Variants in LRBA observed in about 807,000 individuals in gnomAD.
LRBA encodes lipopolysaccharide-responsive and beige-like anchor protein.
In LRBA, 176 loss-of-function variants were observed where a neutral mutation model predicts 330.0. The ratio of observed to expected loss-of-function variants is 0.53; its 90% CI spans 0.47 to 0.60. The LOEUF (loss-of-function observed/expected upper bound fraction) is 0.60, where lower values mean the gene tolerates loss of function less well. Ranked by LOEUF, LRBA falls within the 20% of genes least tolerant of loss-of-function variation. The probability of loss-of-function intolerance (pLI) is 0.00; values close to 1 mark genes in which losing one functional copy is unlikely to be tolerated. For missense variants in LRBA, 3,259 were observed against 3,444.8 expected, an observed-to-expected ratio of 0.95 and a Z score of 1.35; for synonymous variants, 1,230 against 1,193.0, an observed-to-expected ratio of 1.03 and a Z score of -0.64.
rs201290460 is a variant in LRBA at position 150,683,616 on chromosome 4, T to C, written c.5856A>G (p.Gln1952=). The C allele has an allele frequency of 1.6e-5, 26 of 1,613,758 alleles. No homozygotes were observed. The highest frequency in any genetic ancestry group is 3.3e-4 in the Middle Eastern group (2 of 6,062). ...GAATGTTGATAATTTTCTGGATTAG[T>C]TGAGTTGCTGTCACGTGGTCACGAT... ...AKYRDHVTAT[Q]LIQKIINILT... is the part of the protein sequence containing the mutation. Residue 1952 remains glutamine, a synonymous_variant, in exon 37 of 57, where the codon CAA becomes CAG. Coordinates refer to ENST00000651943, the MANE Select transcript of LRBA (RefSeq NM_001364905.1).
At chr4:150,594,782 G>C (rs1002556858) in intron 38 of LRBA, among the ~76,000 whole-genome samples, 1 of 151,960 alleles carries the variant, frequency 6.6e-6, no homozygotes, top group Admixed American at 6.6e-5. Context: ...GAGAGAGGCT[G>C]GTCCCCAAAA....
intron 28 of LRBA, among the ~76,000 whole-genome samples, chr4:150,832,924 C>A (rs1175321615): frequency 1.3e-5 from 2 of 152,030 alleles, no homozygotes; most frequent in Non-Finnish European, 2.9e-5. Flanking sequence ...AATACACCAC[C>A]ACATCCAGCT....
At chr4:150,532,794 CTA>C (rs1428277015) in intron 40 of LRBA, among the ~76,000 whole-genome samples, 1 of 151,654 alleles carries the variant, frequency 6.6e-6, no homozygotes, top group Non-Finnish European at 1.5e-5. Flanking sequence ...TGTAATTAGA[CTA>C]GAGTTTTCAA....
intron 33 of LRBA, among the ~76,000 whole-genome samples, chr4:150,802,056 A>AATAT (rs1473883001): frequency 1.5e-5 from 2 of 136,628 alleles, no homozygotes; most frequent in Non-Finnish European, 3.2e-5. Context: ...TAAATCAATA[A>AATAT]AATTTTTTAA....
intron 7 of LRBA, among the ~76,000 whole-genome samples, chr4:150,916,049 T>A (rs1348969252): frequency 6.6e-6 from 1 of 152,186 alleles, no homozygotes; most frequent in Non-Finnish European, 1.5e-5. Context: ...TTGCCATATT[T>A]GCTTAATCTA....
intron 2 of LRBA, among the ~76,000 whole-genome samples, chr4:150,994,032 T>C (rs1227985004): frequency 7.1e-6 from 1 of 140,324 alleles, no homozygotes; most frequent in African/African-American, 2.7e-5. Context: ...ACCACTGCAC[T>C]CCAGCCTGGG....
At chr4:150,973,331 C>G (rs1975112) in intron 2 of LRBA, among the ~76,000 whole-genome samples, 116,544 of 151,946 alleles carry the variant, frequency 0.77, 49,079 homozygotes, top group Non-Finnish European at 0.95. Context: ...CCACGCCCAG[C>G]TAATTTTGTA....
At chr4:150,580,735 CT>C (rs34295019) in intron 40 of LRBA, 2 of 151,224 alleles carry the variant, frequency 1.3e-5, no homozygotes, top group African/African-American at 2.4e-5. Context: ...AATGTTCTAG[CT>C]TTTTTTTTCA....
intron 13 of LRBA, 140 bp downstream of exon 13, chr4:150,905,698 A>G (rs1023630165): frequency 4.9e-5 from 32 of 655,898 alleles, no homozygotes; most frequent in Non-Finnish European, 7.2e-5. Flanking sequence ...GTAAAAAAGG[A>G]TGCTTAGTCA....
At chr4:150,560,318 T>TA (rs1374551715) in intron 40 of LRBA, among the ~76,000 whole-genome samples, 1 of 152,068 alleles carries the variant, frequency 6.6e-6, no homozygotes, top group Non-Finnish European at 1.5e-5. Context: ...AATCTGTTTT[T>TA]AAAAAACATG....
chr4:150,864,531 G>A (rs975917376), intron 22 of LRBA, among the ~76,000 whole-genome samples: 8 of 151,516 alleles, frequency 5.3e-5, no homozygotes, highest in East Asian at 1.9e-4. Flanking sequence ...CATTCAATCT[G>A]TTGCATATAT....
intron 56 of LRBA, among the ~76,000 whole-genome samples, chr4:150,266,466 G>A (rs1318369145): frequency 6.6e-6 from 1 of 152,186 alleles, no homozygotes. Context: ...GTGGTGCAGG[G>A]AAAGAGATGG....
intron 25 of LRBA, among the ~76,000 whole-genome samples, 155 bp downstream of exon 25, chr4:150,849,267 G>A (rs1400756099): frequency 2.0e-5 from 3 of 152,064 alleles, no homozygotes; most frequent in Admixed American, 2.0e-4. Flanking sequence ...TTCATTACTA[G>A]AACAGATTCT....
chr4:150,801,858 G>A (rs754774697), intron 33 of LRBA, among the ~76,000 whole-genome samples: 67 of 152,066 alleles, frequency 4.4e-4, no homozygotes, highest in Non-Finnish European at 8.7e-4. Flanking sequence ...CATTGAGACT[G>A]CAAGTTTATA....
chr4:150,637,421 C>A (rs1296984292), intron 37 of LRBA, among the ~76,000 whole-genome samples: 12 of 152,088 alleles, frequency 7.9e-5, no homozygotes, highest in Non-Finnish European at 1.5e-5. Flanking sequence ...CAGACAGCTC[C>A]AACATAGCCC....
rs70937395 is a variant in LRBA at position 150,371,182 on chromosome 4, A to ATTTTTTTT, written c.7195-21031_7195-21024dup. Among the ~76,000 whole-genome samples the ATTTTTTTT allele has an allele frequency of 3.7e-3, 340 of 91,912 alleles. 27 individuals carry two copies. The highest frequency in any genetic ancestry group is 0.013 in the African/African-American group (273 of 20,812). The allele number at this position is 91,912 out of a possible 152,430, so 60.3% of individuals were successfully genotyped here. ...AAAAGCATGAGCTGCAAGCTACTAA[A>ATTTTTTTT]TTTTTTTTTTTTTTTTTTTTTTTTT... On this transcript the variant is annotated intron_variant, in intron 47 of 56. Coordinates refer to ENST00000651943, the MANE Select transcript of LRBA (RefSeq NM_001364905.1).
At chr4:150,337,577 C>T (rs928225373) in intron 48 of LRBA, among the ~76,000 whole-genome samples, 2 of 152,080 alleles carry the variant, frequency 1.3e-5, no homozygotes, top group Admixed American at 6.6e-5. Context: ...TAATCCTTAC[C>T]GTTTATTTGG....
At chr4:150,713,962 A>C (rs771879751) in intron 36 of LRBA, among the ~76,000 whole-genome samples, 1 of 152,200 alleles carries the variant, frequency 6.6e-6, no homozygotes, top group Non-Finnish European at 1.5e-5. Context: ...CCTAACAAAA[A>C]TATTCAATTA....
intron 22 of LRBA, among the ~76,000 whole-genome samples, chr4:150,857,485 CAG>C (rs1751365254): frequency 6.6e-6 from 1 of 152,100 alleles, no homozygotes; most frequent in African/African-American, 2.4e-5. Context: ...ACAGTCTAAA[CAG>C]ATGCTTTCAT....
Sources: allele counts gnomAD v4.1 joint callset (sites outside exome capture counted in the v4.1 genomes callset), GRCh38; gene constraint gnomAD v4.1.1; transcripts MANE v1.5; gene names NCBI Gene and HGNC (gene_info 2026-07-23, HGNC 2026-07-21).